The following TYW1 variants were observed in gnomAD, a reference collection of about 807,000 sequenced individuals.
The protein encoded by TYW1 is S-adenosyl-L-methionine-dependent tRNA 4-demethylwyosine synthase TYW1.
Under a neutral mutation model 96.2 loss-of-function variants are expected in TYW1, and 46 were observed. That is an observed-to-expected ratio of 0.48 (90% CI 0.38 to 0.61). The LOEUF (loss-of-function observed/expected upper bound fraction) is 0.61. TYW1 is among the 20% of genes least tolerant of loss of function. The pLI is 0.00. For missense variants in TYW1, 684 were observed against 909.6 expected (o/e 0.75, Z 3.19); for synonymous variants, 274 against 323.0 (o/e 0.85, Z 1.63).
intron 11 of TYW1, among the ~76,000 whole-genome samples, chr7:67,094,973 A>G (rs937307195): frequency 6.6e-6 from 1 of 151,526 alleles, no homozygotes; most frequent in African/African-American, 2.4e-5. Context: ...GTGGGGGGGT[A>G]CTAAGTGAAA....
intron 12 of TYW1, among the ~76,000 whole-genome samples, chr7:67,115,525 A>G (rs1439013538): frequency 1.3e-5 from 2 of 152,136 alleles, no homozygotes; most frequent in Non-Finnish European, 2.9e-5. Context: ...TCCACTTTCA[A>G]CAGAAGTGAA....
chr7:67,098,761 T>G (rs762504767), intron 12 of TYW1, 43 bp downstream of exon 12: 6 of 1,523,022 alleles, frequency 3.9e-6, no homozygotes, highest in Non-Finnish European at 5.3e-6. Context: ...TGAATCTATG[T>G]TTCACTGCAA....
chr7:67,021,775 G>A (rs182155478), intron 6 of TYW1, among the ~76,000 whole-genome samples: 3 of 152,328 alleles, frequency 2.0e-5, no homozygotes, highest in Non-Finnish European at 2.9e-5. Context: ...TTGATTTGAT[G>A]TGAAGATGAA....
chr7:67,044,975 AG>A (rs1224591199), intron 7 of TYW1, among the ~76,000 whole-genome samples: 3 of 152,182 alleles, frequency 2.0e-5, no homozygotes, highest in Non-Finnish European at 2.9e-5. Flanking sequence ...ATGGTAAAAA[AG>A]GATCAAACAA....
At chr7:67,014,649 GCA>G (rs746938626) in intron 5 of TYW1, 88 bp downstream of exon 5, 58 of 1,448,634 alleles carry the variant, frequency 4.0e-5, no homozygotes, top group South Asian at 3.5e-4. Context: ...GTGCACACAC[GCA>G]CACACACATA....
At chr7:67,234,599 G>A (rs572502689) in intron 15 of TYW1, among the ~76,000 whole-genome samples, 1 of 151,772 alleles carries the variant, frequency 6.6e-6, no homozygotes, top group Admixed American at 6.6e-5. Flanking sequence ...GGCAGCCTGA[G>A]CTAATACTCC....
chr7:67,127,856 G>A (rs1182175090), intron 13 of TYW1, among the ~76,000 whole-genome samples: 2 of 151,916 alleles, frequency 1.3e-5, no homozygotes, highest in Admixed American at 1.3e-4. Context: ...TTCTTTCAGG[G>A]CTTAAATATT....
chr7:67,183,317 C>T, intron 14 of TYW1, 81 bp downstream of exon 14: 2 of 1,250,280 alleles, frequency 1.6e-6, no homozygotes, highest in Non-Finnish European at 2.2e-6. Flanking sequence ...GAGTTAAAAC[C>T]TTGTAAAACT....
intron 6 of TYW1, among the ~76,000 whole-genome samples, chr7:67,020,995 T>C (rs1438677415): frequency 6.6e-6 from 1 of 152,278 alleles, no homozygotes; most frequent in Non-Finnish European, 1.5e-5. Context: ...GTCACTGCAC[T>C]CCAGCCTGGG....
At chr7:67,130,081 T>A (rs1225729480) in intron 13 of TYW1, among the ~76,000 whole-genome samples, 2 of 152,048 alleles carry the variant, frequency 1.3e-5, no homozygotes, top group South Asian at 2.1e-4. Flanking sequence ...GTCATATCTT[T>A]CTATAGAAGT....
At chr7:67,092,650 T>C (rs1254223353) in intron 11 of TYW1, among the ~76,000 whole-genome samples, 1 of 151,122 alleles carries the variant, frequency 6.6e-6, no homozygotes. Context: ...CTCTTTCTTT[T>C]CTTTTCCACG....
chr7:67,072,964 T>TTTTTG (rs1562997498), intron 10 of TYW1, among the ~76,000 whole-genome samples: 2 of 93,426 alleles, frequency 2.1e-5, no homozygotes, highest in African/African-American at 4.2e-5. Flanking sequence ...TTTTTTTTTT[T>TTTTTG]ATAGAGACAG....
intron 13 of TYW1, among the ~76,000 whole-genome samples, chr7:67,173,438 C>T (rs544186380): frequency 2.0e-5 from 3 of 152,152 alleles, no homozygotes; most frequent in African/African-American, 2.4e-5. Context: ...GCTCGATTGA[C>T]GATATATTCA....
At chr7:67,128,641 G>A (rs543394606) in intron 13 of TYW1, among the ~76,000 whole-genome samples, 7 of 151,792 alleles carry the variant, frequency 4.6e-5, no homozygotes, top group Admixed American at 3.9e-4. Context: ...GTGATGGTAT[G>A]GTGTATGGGG....
At chr7:67,090,494 G>T (rs1443911201) in intron 11 of TYW1, among the ~76,000 whole-genome samples, 1 of 152,200 alleles carries the variant, frequency 6.6e-6, no homozygotes, top group Non-Finnish European at 1.5e-5. Flanking sequence ...TCAATGAGAT[G>T]AAGTCCGCTT....
rs369581472 is a variant in TYW1 at position 67,133,421 on chromosome 7, G to A, written c.1698+15803G>A. Among the ~76,000 whole-genome samples, 14 of 152,168 alleles carry A rather than the reference G, an allele frequency of 9.2e-5. No individual in the cohort carries two copies. The South Asian group carries it at 1.0e-3, about 11-fold the overall frequency. On this transcript the variant is annotated intron_variant, in intron 13 of 15. Transcript: ENST00000359626. The stretch of plus-strand genomic sequence containing the variant: ...GCTTTCAAAAGTGCTGGGATTGTCC[G>A]GGCACGGTGGCTTACACCTGTAATC...
intron 6 of TYW1, 65 bp from the exon 7 acceptor site, chr7:67,024,835 G>A: frequency 1.3e-6 from 2 of 1,586,744 alleles, no homozygotes; most frequent in Middle Eastern, 3.4e-4. Context: ...AGTGTGGGAG[G>A]GAGGGTAAGA....
At chr7:67,056,338 C>A (rs1795515988) in intron 9 of TYW1, among the ~76,000 whole-genome samples, 1 of 151,846 alleles carries the variant, frequency 6.6e-6, no homozygotes, top group Admixed American at 6.6e-5. Context: ...CTAAAAATAT[C>A]AAAATTAGTC....
chr7:67,060,800 A>G (rs1795672234), intron 9 of TYW1, among the ~76,000 whole-genome samples: 1 of 152,238 alleles, frequency 6.6e-6, no homozygotes, highest in African/African-American at 2.4e-5. Context: ...TCTTGGAGAA[A>G]GCTGTTTACA....
Sources: gnomAD v4.1 joint callset for allele counts (sites outside exome capture counted in the v4.1 genomes callset) on GRCh38, gnomAD v4.1.1 for gene constraint, MANE v1.5 for transcripts, NCBI Gene and HGNC (gene_info 2026-07-23, HGNC 2026-07-21) for gene names.